ZNF804B: variants seen among roughly 807,000 people sequenced by gnomAD.
ZNF804B encodes zinc finger protein 804B, also known as zinc finger 804B.
A neutral mutation model predicts 101.4 loss-of-function variants in ZNF804B; 80 were observed. The observed-to-expected ratio is 0.79, with a 90% confidence interval of 0.66 to 0.95. The LOEUF is 0.95. Among genes scored for constraint, ZNF804B ranks in the 40% least tolerant of loss-of-function variants. The pLI is 0.00. For synonymous variants in ZNF804B, 622 were observed against 558.8 expected (o/e 1.11, Z -1.59); for missense variants, 1,673 against 1,561.9 (o/e 1.07, Z -1.20).
intron 2 of ZNF804B, among the ~76,000 whole-genome samples, chr7:89,218,700 TAAAC>T (rs1353584387): frequency 6.6e-6 from 1 of 152,174 alleles, no homozygotes; most frequent in Non-Finnish European, 1.5e-5. Flanking sequence ...TACTGTAACA[TAAAC>T]AATCCATTAA....
rs1584051905 is a variant in ZNF804B, at chr7:88,980,318, G to A, written c.108+220234G>A. On this transcript the variant is annotated intron_variant, in intron 1 of 3. Coordinates refer to ENST00000333190, the MANE Select transcript of ZNF804B (RefSeq NM_181646.5). Reference sequence around the variant, plus strand: ...GGTTTGGTCACTGGTGCCTTATTTAGTTTGATTTTTGAGTTCATGTGTTCC... The same window carrying A: ...GGTTTGGTCACTGGTGCCTTATTTAATTTGATTTTTGAGTTCATGTGTTCC... 2.0e-5 allele frequency among the ~76,000 whole-genome samples: 3 copies of A among 152,088 alleles called. No individual in the cohort carries two copies. In the South Asian group the frequency reaches 6.2e-4, roughly 32 times the overall value.
chr7:88,855,152 A>G (rs375903815), intron 1 of ZNF804B, among the ~76,000 whole-genome samples: 2,449 of 152,052 alleles, frequency 0.016, 24 homozygotes, highest in African/African-American at 0.04. Flanking sequence ...TGGTATTTCT[A>G]GTTCTAGATC....
chr7:89,230,304 A>AGG (rs934074687), intron 2 of ZNF804B, among the ~76,000 whole-genome samples: 1 of 73,392 alleles, frequency 1.4e-5, no homozygotes, highest in African/African-American at 6.3e-5. Flanking sequence ...AGACATGGGG[A>AGG]GGGGGAGAGA....
At chr7:89,081,216 T>C (rs1323618402) in intron 1 of ZNF804B, among the ~76,000 whole-genome samples, 1 of 151,832 alleles carries the variant, frequency 6.6e-6, no homozygotes, top group Non-Finnish European at 1.5e-5. Context: ...TGAAACTTAT[T>C]CAGTGCCAGG....
At chr7:89,059,704 T>G (rs1789348108) in intron 1 of ZNF804B, among the ~76,000 whole-genome samples, 1 of 152,174 alleles carries the variant, frequency 6.6e-6, no homozygotes, top group South Asian at 2.1e-4. Context: ...TATGTATGCA[T>G]ACCAAGTTGA....
intron 1 of ZNF804B, among the ~76,000 whole-genome samples, chr7:89,034,665 G>A (rs552914104): frequency 2.0e-5 from 3 of 152,262 alleles, no homozygotes; most frequent in African/African-American, 7.2e-5. Context: ...GGGCATTTGG[G>A]TTGGTTCCAA....
At chr7:88,894,150 GA>G (rs1441784172) in intron 1 of ZNF804B, among the ~76,000 whole-genome samples, 3 of 151,696 alleles carry the variant, frequency 2.0e-5, no homozygotes, top group African/African-American at 7.3e-5. Flanking sequence ...GTTAATTTTA[GA>G]TTAAACATTA....
chr7:89,069,788 C>T (rs1365140970), intron 1 of ZNF804B, among the ~76,000 whole-genome samples: 1 of 152,098 alleles, frequency 6.6e-6, no homozygotes, highest in Non-Finnish European at 1.5e-5. Flanking sequence ...ATTGAATAAA[C>T]TCAATTTTAA....
intron 1 of ZNF804B, among the ~76,000 whole-genome samples, chr7:89,071,001 A>T (rs371580972): frequency 1.3e-5 from 2 of 152,168 alleles, no homozygotes; most frequent in African/African-American, 4.8e-5. Flanking sequence ...CAAGTCTCCC[A>T]TATAAAATGG....
At chr7:89,051,062 C>T (rs2116265568) in intron 1 of ZNF804B, among the ~76,000 whole-genome samples, 1 of 152,086 alleles carries the variant, frequency 6.6e-6, no homozygotes, top group African/African-American at 2.4e-5. Context: ...AATGGCTACA[C>T]AATGTTCCAT....
chr7:88,770,342 A>G (rs139472461), intron 1 of ZNF804B, among the ~76,000 whole-genome samples: 20 of 152,314 alleles, frequency 1.3e-4, no homozygotes, highest in African/African-American at 4.1e-4. Context: ...AATGTCAGAG[A>G]GAAAGCTTTG....
At chr7:89,129,055 G>A (rs1198527833) in intron 1 of ZNF804B, among the ~76,000 whole-genome samples, 1 of 151,872 alleles carries the variant, frequency 6.6e-6, no homozygotes, top group Non-Finnish European at 1.5e-5. Context: ...CCAGGGACAG[G>A]CCTAGAACCT....
Position 89,327,367 on chromosome 7 carries a change from G to C in ZNF804B, c.273G>C (p.Arg91=), listed in dbSNP as rs760773224. 2.2e-5 allele frequency: 35 copies of C among 1,605,842 alleles called. No individual in the cohort carries two copies. Among genetic ancestry groups the C allele is most frequent in the Non-Finnish European group, 3.0e-5 (35 of 1,176,758 alleles). Residue 91 remains arginine (R), a synonymous_variant, in exon 3 of 4, where the codon CGG becomes CGC. Transcript: ENST00000333190. ...AGAGACTGAAAGAATTAAAGCAACGGGAATTTGCTCGAAATGTAGCTTCTA... is the reference window on the plus strand; with the variant it reads ...AGAGACTGAAAGAATTAAAGCAACGCGAATTTGCTCGAAATGTAGCTTCTA... ...HKQRLKELKQ[R]EFARNVASKS...
intron 1 of ZNF804B, among the ~76,000 whole-genome samples, chr7:88,955,707 A>G (rs1185618368): frequency 6.6e-6 from 1 of 151,622 alleles, no homozygotes; most frequent in Non-Finnish European, 1.5e-5. Flanking sequence ...TTTGTGGCTA[A>G]GACCTGGGAA....
chr7:89,142,712 G>T (rs138519485), intron 1 of ZNF804B, among the ~76,000 whole-genome samples: 2 of 152,110 alleles, frequency 1.3e-5, no homozygotes, highest in East Asian at 3.9e-4. Flanking sequence ...TTTTCAGTCA[G>T]AATTGGGTTG....
At chr7:89,187,352 A>G (rs1788389641) in intron 1 of ZNF804B, among the ~76,000 whole-genome samples, 2 of 152,156 alleles carry the variant, frequency 1.3e-5, no homozygotes, top group African/African-American at 4.8e-5. Context: ...TGCAAATGGG[A>G]AAGTACATCA....
At chr7:89,019,733 T>G (rs1312677338) in intron 1 of ZNF804B, among the ~76,000 whole-genome samples, 1 of 152,072 alleles carries the variant, frequency 6.6e-6, no homozygotes, top group Non-Finnish European at 1.5e-5. Context: ...ATGTCCTTTT[T>G]GTTTCTTTTT....
At chr7:88,806,087 T>C (rs1034041091) in intron 1 of ZNF804B, among the ~76,000 whole-genome samples, 7 of 152,144 alleles carry the variant, frequency 4.6e-5, no homozygotes, top group African/African-American at 1.7e-4. Flanking sequence ...ATTATTTCTA[T>C]GTATTTTCTA....
chr7:88,979,758 T>A (rs529101897), intron 1 of ZNF804B, among the ~76,000 whole-genome samples: 1 of 151,976 alleles, frequency 6.6e-6, no homozygotes, highest in South Asian at 2.1e-4. Flanking sequence ...TGTTTCTCTA[T>A]GTTTGGAAAG....
Sources: allele counts gnomAD v4.1 joint callset (sites outside exome capture counted in the v4.1 genomes callset), GRCh38; gene constraint gnomAD v4.1.1; transcripts MANE v1.5; gene names NCBI Gene and HGNC (gene_info 2026-07-23, HGNC 2026-07-21).